DOK6: variants seen among roughly 807,000 people sequenced by gnomAD.
DOK6 encodes downstream of tyrosine kinase 6.
In DOK6, 22 loss-of-function variants were observed where a neutral mutation model predicts 44.0. The observed-to-expected ratio is 0.50, with a 90% CI of 0.36 to 0.71. The LOEUF is 0.71. Ranked by LOEUF, DOK6 falls within the 30% of genes least tolerant of loss-of-function variation. DOK6 has a pLI of 0.00. For missense variants in DOK6, 340 were observed against 416.4 expected (o/e 0.82, Z 1.60); for synonymous variants, 166 against 145.5 (o/e 1.14, Z -1.01).
At chr18:69,473,264 T>C (rs1369625284) in intron 1 of DOK6, among the ~76,000 whole-genome samples, 1 of 152,184 alleles carries the variant, frequency 6.6e-6, no homozygotes, top group Non-Finnish European at 1.5e-5. Context: ...ATATGTCCAA[T>C]GAATAATTTT....
chr18:69,520,100 C>A (rs906853994), intron 1 of DOK6, among the ~76,000 whole-genome samples: 17 of 151,624 alleles, frequency 1.1e-4, no homozygotes, highest in African/African-American at 4.1e-4. Flanking sequence ...ACATTGAATT[C>A]TAATGTTAAG....
chr18:69,831,507 A>T (rs1202278942), intron 7 of DOK6, among the ~76,000 whole-genome samples: 1 of 152,174 alleles, frequency 6.6e-6, no homozygotes, highest in East Asian at 1.9e-4. Flanking sequence ...TTAAAATATG[A>T]TTTCTAAGGT....
intron 7 of DOK6, among the ~76,000 whole-genome samples, chr18:69,767,938 T>TA (rs1568120747): frequency 6.6e-6 from 1 of 152,210 alleles, no homozygotes; most frequent in Non-Finnish European, 1.5e-5. Flanking sequence ...TTCCAGATGT[T>TA]ACACTGGATT....
chr18:69,439,737 T>G (rs1218088800), intron 1 of DOK6, among the ~76,000 whole-genome samples: 3 of 152,216 alleles, frequency 2.0e-5, no homozygotes, highest in Admixed American at 6.5e-5. Context: ...GGCTTTGGCT[T>G]AAGGGAATGT....
intron 1 of DOK6, among the ~76,000 whole-genome samples, chr18:69,480,678 T>C (rs1980392462): frequency 6.6e-6 from 1 of 152,124 alleles, no homozygotes; most frequent in Non-Finnish European, 1.5e-5. Flanking sequence ...CGTCTTGGTG[T>C]AGTGAGAAAT....
At chr18:69,524,321 A>C (rs1981770296) in intron 1 of DOK6, among the ~76,000 whole-genome samples, 1 of 152,006 alleles carries the variant, frequency 6.6e-6, no homozygotes, top group African/African-American at 2.4e-5. Flanking sequence ...ATACTTCCAA[A>C]TGTTTTATAG....
chr18:69,694,058 C>CAAAAAAAAAAAAAAAAAAAAAAA (rs60662789), intron 4 of DOK6, among the ~76,000 whole-genome samples: 2 of 62,006 alleles, frequency 3.2e-5, no homozygotes, highest in Non-Finnish European at 5.7e-5. Flanking sequence ...GACTCCGTGT[C>CAAAAAAAAAAAAAAAAAAAAAAA]AAAAAAAAAA....
At chr18:69,497,608 A>G (rs2144545513) in intron 1 of DOK6, among the ~76,000 whole-genome samples, 1 of 152,338 alleles carries the variant, frequency 6.6e-6, no homozygotes, top group South Asian at 2.1e-4. Context: ...CATCATGTCC[A>G]TCTTATTCCC....
At chr18:69,622,965 G>T (rs1332054053) in intron 3 of DOK6, among the ~76,000 whole-genome samples, 6 of 152,170 alleles carry the variant, frequency 3.9e-5, no homozygotes, top group Non-Finnish European at 7.3e-5. Context: ...ATTTCCATGT[G>T]ATATGGTTTG....
rs1043840507 is a variant in DOK6 at position 69,596,328 on chromosome 18, GAA to G, written c.175-3054_175-3053del. The stretch of plus-strand genomic sequence containing the variant: ...AAATAATTGGGTGTGGTCATGGAAA[GAA>G]AGAGTGAAAGGTAGTCCTGATTAAA... On this transcript the variant is annotated intron_variant, in intron 2 of 7. Coordinates refer to ENST00000382713, the MANE Select transcript of DOK6 (RefSeq NM_152721.6). Among the ~76,000 whole-genome samples the G allele has an allele frequency of 1.6e-4, 24 of 152,134 alleles. 1 individual carries two copies. The highest frequency in any genetic ancestry group is 5.8e-4 in the African/African-American group (24 of 41,422).
At chr18:69,568,678 G>A (rs1414055713) in intron 2 of DOK6, among the ~76,000 whole-genome samples, 1 of 152,298 alleles carries the variant, frequency 6.6e-6, no homozygotes, top group East Asian at 1.9e-4. Flanking sequence ...GGGCAAGGGA[G>A]CAAAGCTTCA....
intron 1 of DOK6, among the ~76,000 whole-genome samples, chr18:69,521,905 AATT>A (rs1432814157): frequency 1.3e-5 from 2 of 152,032 alleles, no homozygotes. Flanking sequence ...AAATATATAC[AATT>A]ATTATGTGGC....
intron 3 of DOK6, chr18:69,660,916 G>C (rs910400626): frequency 6.6e-6 from 1 of 152,378 alleles, no homozygotes; most frequent in Non-Finnish European, 1.5e-5. Flanking sequence ...TGATCCACCT[G>C]CCTCGGCCTC....
intron 2 of DOK6, among the ~76,000 whole-genome samples, chr18:69,566,080 C>T (rs1982970235): frequency 6.6e-6 from 1 of 152,090 alleles, no homozygotes; most frequent in African/African-American, 2.4e-5. Flanking sequence ...GTGACATATA[C>T]TAGTTGGAGC....
chr18:69,509,606 C>A (rs1307084167), intron 1 of DOK6, among the ~76,000 whole-genome samples: 1 of 139,612 alleles, frequency 7.2e-6, no homozygotes, highest in Non-Finnish European at 1.5e-5. Context: ...CCGCTGCACT[C>A]CAGCCTGGGC....
At chr18:69,446,004 T>C (rs1979277414) in intron 1 of DOK6, among the ~76,000 whole-genome samples, 2 of 152,138 alleles carry the variant, frequency 1.3e-5, no homozygotes, top group Admixed American at 1.3e-4. Context: ...TCGTGGTCAG[T>C]CTATCAGAAA....
chr18:69,448,908 A>C (rs1017787153), intron 1 of DOK6, among the ~76,000 whole-genome samples: 3 of 152,250 alleles, frequency 2.0e-5, no homozygotes, highest in Admixed American at 6.5e-5. Context: ...CACATTTTTC[A>C]AAAGTAGAAT....
intron 5 of DOK6, among the ~76,000 whole-genome samples, chr18:69,729,716 C>T (rs1023610735): frequency 6.6e-6 from 1 of 152,140 alleles, no homozygotes; most frequent in African/African-American, 2.4e-5. Flanking sequence ...AATTCCCACA[C>T]ACAATCTGTT....
chr18:69,402,883 A>C (rs1299368777), intron 1 of DOK6, among the ~76,000 whole-genome samples: 2 of 152,168 alleles, frequency 1.3e-5, no homozygotes, highest in Admixed American at 1.3e-4. Flanking sequence ...GGACGAACCC[A>C]CGGGAAAAGC....
Sources: allele counts gnomAD v4.1 joint callset (sites outside exome capture counted in the v4.1 genomes callset), GRCh38; gene constraint gnomAD v4.1.1; transcripts MANE v1.5; gene names NCBI Gene and HGNC (gene_info 2026-07-23, HGNC 2026-07-21).